MCU: variants seen among roughly 807,000 people sequenced by gnomAD.
MCU encodes mitochondrial calcium uniporter.
In MCU, 12 loss-of-function variants were observed where a neutral mutation model predicts 45.2. The ratio of observed to expected loss-of-function variants is 0.27; its 90% CI spans 0.17 to 0.43. The LOEUF (loss-of-function observed/expected upper bound fraction) is 0.43, where lower values mean the gene tolerates loss of function less well. Among genes scored for constraint, MCU ranks in the 20% least tolerant of loss-of-function variants. The pLI, the probability that MCU is intolerant of heterozygous loss-of-function variation, is 1.00. For synonymous variants in MCU, 160 were observed against 165.1 expected, an observed-to-expected ratio of 0.97 and a Z score of 0.24; for missense variants, 324 against 436.7, an observed-to-expected ratio of 0.74 and a Z score of 2.30.
Position 72,871,441 on chromosome 10 carries a change from C to T in MCU, c.722C>T (p.Ala241Val). The T allele has an allele frequency of 6.2e-7, 1 of 1,614,138 alleles. No individual in the cohort carries two copies. Among genetic ancestry groups the T allele is most frequent in the Non-Finnish European group, 8.5e-7 (1 of 1,180,000 alleles). Residue 241 changes from alanine (A) to valine (V), a missense_variant, in exon 6 of 8, where the codon GCC (alanine) becomes GTC (valine). Ala to Val is a moderately conservative substitution (Grantham distance 64). This residue lies in a region of MCU where 135 missense variants were observed against 207.3 expected (regional missense o/e 0.65). Coordinates refer to ENST00000373053, the MANE Select transcript of MCU (RefSeq NM_138357.3). The stretch of plus-strand genomic sequence containing the variant: ...ACTTTGGTGCTATGGGGTGGCCTTG[C>T]CTACATGGCCACACAGTTTGGCATT... ...RTTLVLWGGL[A>V]YMATQFGILA...
At chr10:72,762,171 A>G (rs1843665319) in intron 1 of MCU, among the ~76,000 whole-genome samples, 1 of 152,146 alleles carries the variant, frequency 6.6e-6, no homozygotes, top group South Asian at 2.1e-4. Context: ...AAGAAAAGAA[A>G]CCCTGAACAG....
intron 2 of MCU, among the ~76,000 whole-genome samples, chr10:72,849,599 A>G (rs916662346): frequency 1.3e-5 from 2 of 152,176 alleles, no homozygotes; most frequent in Non-Finnish European, 2.9e-5. Flanking sequence ...ATTGAGAAGC[A>G]CAGAGGCCTA....
At chr10:72,873,219 C>T (rs929093259) in intron 6 of MCU, among the ~76,000 whole-genome samples, 5 of 151,742 alleles carry the variant, frequency 3.3e-5, no homozygotes, top group South Asian at 4.2e-4. Context: ...GGGGTTTCAC[C>T]GTCTTAGCCA....
intron 1 of MCU, among the ~76,000 whole-genome samples, chr10:72,783,669 A>G (rs1844029329): frequency 6.6e-6 from 1 of 152,208 alleles, no homozygotes; most frequent in South Asian, 2.1e-4. Flanking sequence ...AAGTGTTAAT[A>G]TAGAGCAAAT....
At chr10:72,696,437 T>G (rs1031319796) in intron 1 of MCU, among the ~76,000 whole-genome samples, 3 of 152,090 alleles carry the variant, frequency 2.0e-5, no homozygotes, top group African/African-American at 7.2e-5. Flanking sequence ...CTATAATTCG[T>G]TACTAGAAAA....
chr10:72,709,341 C>G (rs970305501), intron 1 of MCU, among the ~76,000 whole-genome samples: 2 of 152,070 alleles, frequency 1.3e-5, no homozygotes, highest in African/African-American at 4.8e-5. Flanking sequence ...ATACAGATGT[C>G]AGAATACTTT....
chr10:72,832,024 A>G (rs1844886003), intron 1 of MCU, among the ~76,000 whole-genome samples: 1 of 152,124 alleles, frequency 6.6e-6, no homozygotes, highest in Non-Finnish European at 1.5e-5. Flanking sequence ...TAAGGAATAT[A>G]TATATAACTA....
chr10:72,814,727 T>G (rs887701130), intron 1 of MCU, among the ~76,000 whole-genome samples: 1 of 152,228 alleles, frequency 6.6e-6, no homozygotes, highest in Admixed American at 6.5e-5. Context: ...ATGTACTGAT[T>G]TCTCTAAAAG....
intron 2 of MCU, among the ~76,000 whole-genome samples, chr10:72,835,536 A>G (rs1844944108): frequency 6.6e-6 from 1 of 152,180 alleles, no homozygotes; most frequent in African/African-American, 2.4e-5. Context: ...GAACACTAGA[A>G]TCCCCAACAT....
At chr10:72,788,802 A>G (rs1844115554) in intron 1 of MCU, among the ~76,000 whole-genome samples, 2 of 152,206 alleles carry the variant, frequency 1.3e-5, no homozygotes, top group Non-Finnish European at 2.9e-5. Flanking sequence ...AATTATGTAT[A>G]GTTGATTCTT....
intron 4 of MCU, among the ~76,000 whole-genome samples, chr10:72,864,683 G>T (rs895776823): frequency 1.3e-5 from 2 of 152,162 alleles, no homozygotes. Flanking sequence ...TTCAAAAGTT[G>T]CAGGGGGGTG....
chr10:72,695,210 C>T (rs1842670911), intron 1 of MCU, among the ~76,000 whole-genome samples: 1 of 152,198 alleles, frequency 6.6e-6, no homozygotes, highest in African/African-American at 2.4e-5. Flanking sequence ...TAGCAGTTAA[C>T]GGCTATGCTG....
At chr10:72,714,343 G>GTTTTTT (rs1479850646) in intron 1 of MCU, among the ~76,000 whole-genome samples, 1 of 49,486 alleles carries the variant, frequency 2.0e-5, no homozygotes, top group African/African-American at 7.4e-5. Context: ...CCCCGCCCTG[G>GTTTTTT]TCTTTTTTTT....
intron 1 of MCU, among the ~76,000 whole-genome samples, chr10:72,741,268 T>G (rs1407205646): frequency 6.6e-6 from 1 of 151,800 alleles, no homozygotes; most frequent in East Asian, 1.9e-4. Context: ...CCCGGCTAAT[T>G]TTTTGTATTT....
In MCU at chr10:72,798,259, C is replaced by A. The variant is rs147288653; in HGVS notation, c.151-36100C>A. On this transcript the variant is annotated intron_variant, in intron 1 of 7. Coordinates refer to ENST00000373053, the MANE Select transcript of MCU (RefSeq NM_138357.3). The stretch of plus-strand genomic sequence containing the variant: ...TGAATGCATAAATGGGGAAAAAATA[C>A]CCATAATCCCAACATCCAAAGGTGC... Among the ~76,000 whole-genome samples the A allele has an allele frequency of 1.9e-4, 29 of 152,150 alleles. No individual in the cohort carries two copies. The East Asian group carries it at 4.8e-3, about 25-fold the overall frequency.
intron 1 of MCU, among the ~76,000 whole-genome samples, chr10:72,710,911 C>G (rs1842884707): frequency 6.6e-6 from 1 of 152,106 alleles, no homozygotes; most frequent in South Asian, 2.1e-4. Context: ...GGCGCAGTGG[C>G]TCATGCCTGT....
At chr10:72,760,364 C>G (rs1023332983) in intron 1 of MCU, among the ~76,000 whole-genome samples, 2 of 151,416 alleles carry the variant, frequency 1.3e-5, no homozygotes, top group African/African-American at 4.9e-5. Context: ...ATTTTGAAAT[C>G]TTTATTCAAG....
chr10:72,755,146 A>ATTT lies in MCU; in HGVS notation c.150+62863_150+62865dup, dbSNP rs11397520. 1.9e-3 allele frequency among the ~76,000 whole-genome samples: 238 copies of ATTT among 123,666 alleles called. 3 individuals are homozygous for ATTT. The highest frequency in any genetic ancestry group is 6.3e-3 in the African/African-American group (204 of 32,592). 81.1% of individuals were successfully genotyped at this position (123,666 alleles called of 152,430 possible). On this transcript the variant is annotated intron_variant, in intron 1 of 7. Coordinates refer to ENST00000373053, the MANE Select transcript of MCU (RefSeq NM_138357.3). ...TTCTTACTAGATATGTGAACCTGAG[A>ATTT]TTTTTTTTTTTTTTTTTTTTGAGGC...
rs756899799 is a variant in MCU, at chr10:72,692,211, C to T, written c.60C>T (p.Gly20=). The change falls in exon 1 of 8, where the codon GGC becomes GGT. Residue 20 remains glycine (G), a synonymous_variant. Coordinates refer to ENST00000373053, the MANE Select transcript of MCU (RefSeq NM_138357.3). ...TCCTCTCCTCTCGGGGCGGCGGCGG[C>T]GGGGGCGCCGGCGGCTGCGGGGCGC... is the stretch of plus-strand genomic sequence containing the variant. The part of the protein sequence containing the change: ...LLLLSSRGGG[G]GGAGGCGALT... The T allele has an allele frequency of 9.2e-5, 115 of 1,250,714 alleles. No homozygotes were observed. Among genetic ancestry groups the T allele is most frequent in the Middle Eastern group, 5.8e-4 (2 of 3,434 alleles). The allele number at this position is 1,250,714 out of a possible 1,614,324, so 77.5% of individuals were successfully genotyped here.
Sources: allele counts gnomAD v4.1 joint callset (sites outside exome capture counted in the v4.1 genomes callset), GRCh38; gene constraint gnomAD v4.1.1; regional missense constraint gnomAD v4.1.1; transcripts MANE v1.5; gene names NCBI Gene and HGNC (gene_info 2026-07-23, HGNC 2026-07-21).